HSD17B12: variants seen among roughly 807,000 people sequenced by gnomAD.
HSD17B12 encodes hydroxysteroid 17-beta dehydrogenase 12, also known as very-long-chain 3-oxoacyl-CoA reductase.
A neutral mutation model predicts 39.3 loss-of-function variants in HSD17B12; 32 were observed. The observed-to-expected ratio is 0.81, with a 90% CI of 0.61 to 1.09. HSD17B12 has a LOEUF of 1.09. HSD17B12 is among the 50% of genes least tolerant of loss of function. The pLI, the probability that HSD17B12 is intolerant of heterozygous loss-of-function variation, is 0.00. For missense variants in HSD17B12, 342 were observed against 382.9 expected (o/e 0.89, Z 0.89); for synonymous variants, 150 against 146.7 (o/e 1.02, Z -0.16).
the HSD17B12 span, among the ~76,000 whole-genome samples, chr11:43,568,830 G>C: frequency 6.6e-6 from 1 of 152,126 alleles, no homozygotes; most frequent in Admixed American, 6.5e-5. Flanking sequence ...CTACCTTCTT[G>C]TTTTACATCC....
the HSD17B12 span, among the ~76,000 whole-genome samples, chr11:43,600,823 C>G: frequency 6.6e-6 from 1 of 151,680 alleles, no homozygotes; most frequent in Non-Finnish European, 1.5e-5. Flanking sequence ...GTGTATGGCA[C>G]GTAATAAGGA....
chr11:43,571,514 G>A, the HSD17B12 span, among the ~76,000 whole-genome samples: 727 of 152,274 alleles, frequency 4.8e-3, 9 homozygotes, highest in African/African-American at 0.016. Flanking sequence ...TTATCAGCAA[G>A]GCATGGGAAA....
chr11:43,650,535 C>T, the HSD17B12 span, among the ~76,000 whole-genome samples: 5 of 152,050 alleles, frequency 3.3e-5, no homozygotes, highest in Admixed American at 2.0e-4. Context: ...GTGGTGGAGC[C>T]GTTCTGGAGA....
chr11:43,800,964 C>A (rs564062204), intron 4 of HSD17B12, among the ~76,000 whole-genome samples: 1 of 152,040 alleles, frequency 6.6e-6, no homozygotes, highest in East Asian at 1.9e-4. Context: ...CATGACGAAA[C>A]CCCATCTCTA....
At chr11:43,763,609 T>C (rs1294811187) in intron 3 of HSD17B12, among the ~76,000 whole-genome samples, 3 of 136,802 alleles carry the variant, frequency 2.2e-5, no homozygotes, top group East Asian at 1.9e-4. Flanking sequence ...TATAAGGTTA[T>C]CTTATATATA....
the HSD17B12 span, among the ~76,000 whole-genome samples, chr11:43,602,137 A>G: frequency 6.6e-6 from 1 of 152,266 alleles, no homozygotes; most frequent in African/African-American, 2.4e-5. Context: ...ATTCACTTCC[A>G]TCTGTCTTGC....
At chr11:43,608,274 A>T in the HSD17B12 span, among the ~76,000 whole-genome samples, 1 of 151,622 alleles carries the variant, frequency 6.6e-6, no homozygotes, top group Non-Finnish European at 1.5e-5. Context: ...GCTGAGGTGG[A>T]TCACTTGAGC....
At chr11:43,655,191 G>A in the HSD17B12 span, among the ~76,000 whole-genome samples, 861 of 152,056 alleles carry the variant, frequency 5.7e-3, 2 homozygotes, top group Non-Finnish European at 7.0e-3. Flanking sequence ...TTCACTCATG[G>A]TTTGGCTCTC....
chr11:43,850,107 A>T (rs1297161820), intron 9 of HSD17B12, among the ~76,000 whole-genome samples: 1 of 152,140 alleles, frequency 6.6e-6, no homozygotes, highest in African/African-American at 2.4e-5. Flanking sequence ...TTTCATTGCT[A>T]TATAACCAGG....
intron 1 of HSD17B12, among the ~76,000 whole-genome samples, chr11:43,714,667 A>C (rs1300741497): frequency 6.6e-6 from 1 of 152,176 alleles, no homozygotes; most frequent in Admixed American, 6.5e-5. Context: ...GAAGAAAGTC[A>C]TTGGTAGCTT....
chr11:43,637,058 A>G, the HSD17B12 span, among the ~76,000 whole-genome samples: 15 of 152,260 alleles, frequency 9.9e-5, no homozygotes, highest in East Asian at 2.7e-3. Context: ...TGTCTATAAA[A>G]TGAGGATGAT....
chr11:43,833,318 A>G (rs1289760141), intron 7 of HSD17B12: 1 of 152,176 alleles, frequency 6.6e-6, no homozygotes, highest in Admixed American at 6.5e-5. Flanking sequence ...GGCTTAACAC[A>G]TAAAGGTTTA....
chr11:43,820,368 T>C (rs941477432), intron 6 of HSD17B12, among the ~76,000 whole-genome samples: 2 of 152,230 alleles, frequency 1.3e-5, no homozygotes, highest in Non-Finnish European at 2.9e-5. Context: ...GAAATTTGTG[T>C]GACGCTCCCA....
At chr11:43,756,714 A>G (rs1283384714) in intron 3 of HSD17B12, among the ~76,000 whole-genome samples, 1 of 152,242 alleles carries the variant, frequency 6.6e-6, no homozygotes, top group Non-Finnish European at 1.5e-5. Flanking sequence ...ATACAGAAAC[A>G]AGAAAAGCTA....
the HSD17B12 span, among the ~76,000 whole-genome samples, chr11:43,652,040 G>A: frequency 6.6e-6 from 1 of 152,182 alleles, no homozygotes; most frequent in African/African-American, 2.4e-5. Flanking sequence ...AAGACTCAAT[G>A]TTGTTAAAAT....
chr11:43,746,735 A>C (rs1565073353), intron 1 of HSD17B12, among the ~76,000 whole-genome samples: 1 of 152,240 alleles, frequency 6.6e-6, no homozygotes, highest in Non-Finnish European at 1.5e-5. Flanking sequence ...TATGTGTTCT[A>C]CTTTTCTATT....
chr11:43,666,359 C>G, the HSD17B12 span, among the ~76,000 whole-genome samples: 1 of 152,122 alleles, frequency 6.6e-6, no homozygotes, highest in East Asian at 1.9e-4. Context: ...CACACACCAC[C>G]CCGCCCAGGT....
intron 4 of HSD17B12, among the ~76,000 whole-genome samples, chr11:43,809,777 C>G (rs1481766211): frequency 6.6e-6 from 1 of 152,156 alleles, no homozygotes; most frequent in East Asian, 1.9e-4. Context: ...GAGATCGAGC[C>G]ATTGCACTCC....
chr11:43,624,483 T>C, the HSD17B12 span, among the ~76,000 whole-genome samples: 1 of 151,928 alleles, frequency 6.6e-6, no homozygotes, highest in Non-Finnish European at 1.5e-5. Context: ...TGTTATTCCT[T>C]GCAGTTCAGT....
Sources: gnomAD v4.1 joint callset for allele counts (sites outside exome capture counted in the v4.1 genomes callset) on GRCh38, gnomAD v4.1.1 for gene constraint, MANE v1.5 for transcripts, NCBI Gene and HGNC (gene_info 2026-07-23, HGNC 2026-07-21) for gene names.